Variants in SLC16A12 observed in about 807,000 individuals in gnomAD.
SLC16A12 encodes the protein solute carrier family 16 member 12, also known as monocarboxylate transporter 12.
In SLC16A12, 17 loss-of-function variants were observed where a neutral mutation model predicts 42.4. The observed-to-expected ratio is 0.40, with a 90% CI of 0.27 to 0.60. SLC16A12 has a LOEUF of 0.60. SLC16A12 is among the 20% of genes least tolerant of loss of function. The pLI, the probability that SLC16A12 is intolerant of heterozygous loss-of-function variation, is 0.42. For synonymous variants in SLC16A12, 224 were observed against 229.4 expected (o/e 0.98, Z 0.21); for missense variants, 544 against 623.0 (o/e 0.87, Z 1.35).
chr10:89,433,594 G>C (rs1373849494), intron 7 of SLC16A12, among the ~76,000 whole-genome samples: 2 of 152,154 alleles, frequency 1.3e-5, no homozygotes, highest in Non-Finnish European at 2.9e-5. Flanking sequence ...GTAAATATTA[G>C]TTACTATTAA....
intron 3 of SLC16A12, among the ~76,000 whole-genome samples, chr10:89,453,075 TA>T (rs1349441876): frequency 6.6e-6 from 1 of 152,182 alleles, no homozygotes; most frequent in African/African-American, 2.4e-5. Flanking sequence ...CAAAGGGGTA[TA>T]AAAAGTGGTC....
At chr10:89,477,407 A>T (rs1842597394) in intron 2 of SLC16A12, among the ~76,000 whole-genome samples, 1 of 152,062 alleles carries the variant, frequency 6.6e-6, no homozygotes. Context: ...TCTACTAAAA[A>T]TACAAAATTA....
intron 2 of SLC16A12, among the ~76,000 whole-genome samples, chr10:89,495,593 A>G (rs976353845): frequency 2.6e-5 from 4 of 152,200 alleles, no homozygotes; most frequent in Non-Finnish European, 5.9e-5. Flanking sequence ...CACCTAACCC[A>G]CTGACCATCC....
chr10:89,506,082 TTA>T (rs1388323711), intron 2 of SLC16A12, among the ~76,000 whole-genome samples: 1 of 152,172 alleles, frequency 6.6e-6, no homozygotes, highest in Admixed American at 6.5e-5. Context: ...ACTCAGGGAC[TTA>T]TAGATAAAGC....
intron 2 of SLC16A12, among the ~76,000 whole-genome samples, chr10:89,555,468 T>G (rs951438808): frequency 1.3e-5 from 2 of 148,450 alleles, no homozygotes; most frequent in South Asian, 4.2e-4. Flanking sequence ...AAGGATAATA[T>G]ATATATGTGT....
At chr10:89,482,264 G>GA (rs1029253416) in intron 2 of SLC16A12, among the ~76,000 whole-genome samples, 4 of 143,916 alleles carry the variant, frequency 2.8e-5, no homozygotes, top group Non-Finnish European at 4.6e-5. Flanking sequence ...AAGAAGAAAA[G>GA]AAAAAAAGGC....
chr10:89,448,554 C>T (rs946338684), intron 3 of SLC16A12, among the ~76,000 whole-genome samples: 27 of 152,168 alleles, frequency 1.8e-4, no homozygotes, highest in African/African-American at 6.0e-4. Flanking sequence ...CAAAATTCAA[C>T]ATCCCTTCAT....
intron 2 of SLC16A12, among the ~76,000 whole-genome samples, chr10:89,532,315 G>A (rs1188351189): frequency 6.6e-6 from 1 of 152,134 alleles, no homozygotes; most frequent in Non-Finnish European, 1.5e-5. Flanking sequence ...GCTACTCCAG[G>A]TGCCTAGCAT....
chr10:89,471,607 C>G (rs983915335), intron 2 of SLC16A12, among the ~76,000 whole-genome samples: 2 of 152,038 alleles, frequency 1.3e-5, no homozygotes, highest in African/African-American at 4.8e-5. Flanking sequence ...GTGTACAAGT[C>G]TTTTTGTGGT....
intron 2 of SLC16A12, among the ~76,000 whole-genome samples, chr10:89,489,218 G>T (rs1276948751): frequency 6.6e-6 from 1 of 152,174 alleles, no homozygotes; most frequent in Non-Finnish European, 1.5e-5. Context: ...TCACACATTA[G>T]ACTTGGTTCA....
rs189358119 is a variant in SLC16A12 at position 89,531,958 on chromosome 10, A to G, written c.-47+2543T>C. 2.6e-4 allele frequency among the ~76,000 whole-genome samples: 40 copies of G among 152,270 alleles called. No homozygotes were observed. In the East Asian group the frequency reaches 6.4e-3, roughly 24 times the overall value. Reference sequence around the variant, plus strand: ...ATCTCTTATGGTAGTTTGAATCGGTATGATAGCTAGCCATACAATGTCCTC... The same window carrying G: ...ATCTCTTATGGTAGTTTGAATCGGTGTGATAGCTAGCCATACAATGTCCTC... On this transcript the variant is annotated intron_variant, in intron 2 of 7. Coordinates refer to ENST00000371790, the MANE Select transcript of SLC16A12 (RefSeq NM_213606.4).
At chr10:89,460,744 CAA>C (rs751005622) in intron 3 of SLC16A12, among the ~76,000 whole-genome samples, 361 of 68,414 alleles carry the variant, frequency 5.3e-3, no homozygotes, top group African/African-American at 0.018. Flanking sequence ...GACACTGTCT[CAA>C]AAAAAAAAAA....
intron 3 of SLC16A12, among the ~76,000 whole-genome samples, chr10:89,449,112 A>G (rs529243747): frequency 6.6e-5 from 10 of 152,362 alleles, no homozygotes; most frequent in Non-Finnish European, 1.3e-4. Flanking sequence ...AAAAGAGGAC[A>G]CAAACAAATG....
At chr10:89,457,855 A>T (rs890026701) in intron 3 of SLC16A12, among the ~76,000 whole-genome samples, 5 of 152,218 alleles carry the variant, frequency 3.3e-5, no homozygotes, top group African/African-American at 4.8e-5. Flanking sequence ...GTTTAGTGGA[A>T]ACTGAGAGCA....
intron 2 of SLC16A12, among the ~76,000 whole-genome samples, chr10:89,529,704 C>A (rs540240978): frequency 1.3e-5 from 2 of 152,204 alleles, no homozygotes; most frequent in South Asian, 4.1e-4. Context: ...CGTGCCACCA[C>A]GCCCAGCTAA....
intron 2 of SLC16A12, among the ~76,000 whole-genome samples, chr10:89,509,094 C>T (rs1843119653): frequency 1.3e-5 from 2 of 152,060 alleles, no homozygotes; most frequent in Admixed American, 1.3e-4. Context: ...GAAATTAAGG[C>T]AATAATTAAT....
intron 2 of SLC16A12, among the ~76,000 whole-genome samples, chr10:89,504,254 A>C (rs1294359188): frequency 6.6e-6 from 1 of 152,176 alleles, no homozygotes; most frequent in African/African-American, 2.4e-5. Flanking sequence ...AGCTCCCCAA[A>C]AGGTCACTGA....
chr10:89,553,098 G>A (rs1037626198), intron 2 of SLC16A12, among the ~76,000 whole-genome samples: 4 of 152,036 alleles, frequency 2.6e-5, no homozygotes, highest in Non-Finnish European at 5.9e-5. Flanking sequence ...CACCACACCC[G>A]CATGCCTATT....
chr10:89,531,691 A>T (rs1427675824), intron 2 of SLC16A12, among the ~76,000 whole-genome samples: 2 of 152,176 alleles, frequency 1.3e-5, no homozygotes, highest in Non-Finnish European at 2.9e-5. Flanking sequence ...CTATTATATG[A>T]CCCAACACAG....
Sources: gnomAD v4.1 joint callset for allele counts (sites outside exome capture counted in the v4.1 genomes callset) on GRCh38, gnomAD v4.1.1 for gene constraint, MANE v1.5 for transcripts, NCBI Gene and HGNC (gene_info 2026-07-23, HGNC 2026-07-21) for gene names.